The following PAX5 variants were observed in gnomAD, a reference collection of about 807,000 sequenced individuals.
PAX5 encodes the protein paired box 5, also known as paired box protein Pax-5.
A neutral mutation model predicts 43.7 loss-of-function variants in PAX5; 9 were observed. The ratio of observed to expected loss-of-function variants is 0.21; its 90% confidence interval spans 0.12 to 0.36. The LOEUF (loss-of-function observed/expected upper bound fraction) is 0.36, where lower values mean the gene tolerates loss of function less well. PAX5 is among the 10% of genes least tolerant of loss of function. PAX5 has a pLI of 1.00. For synonymous variants in PAX5, 228 were observed against 214.3 expected (o/e 1.06, Z -0.56); for missense variants, 383 against 532.7 (o/e 0.72, Z 2.77).
intron 2 of PAX5, among the ~76,000 whole-genome samples, chr9:37,018,387 A>G (rs753124827): frequency 3.0e-4 from 45 of 152,044 alleles, no homozygotes; most frequent in Non-Finnish European, 5.4e-4. Flanking sequence ...CGAAGCCTTG[A>G]GCTCTGTAGA....
In PAX5 at chr9:37,020,622, G is replaced by C; in HGVS notation, c.212+14C>G. 1 of 1,613,736 alleles carries C rather than the reference G, an allele frequency of 6.2e-7. No homozygotes were observed. Among genetic ancestry groups the C allele is most frequent in the Non-Finnish European group, 8.5e-7 (1 of 1,179,614 alleles). Reference sequence around the variant, plus strand: ...TTTGAAAGATCAAGGGAAGCCTCGAGCTACTGCCTTTACCTGCCAAGAATT... The same window carrying C: ...TTTGAAAGATCAAGGGAAGCCTCGACCTACTGCCTTTACCTGCCAAGAATT... On this transcript the variant is annotated intron_variant, in intron 2 of 9. Coordinates refer to ENST00000358127, the MANE Select transcript of PAX5 (RefSeq NM_016734.3).
chr9:36,843,134 G>A (rs1485029382), intron 9 of PAX5, among the ~76,000 whole-genome samples: 3 of 151,970 alleles, frequency 2.0e-5, no homozygotes, highest in Non-Finnish European at 4.4e-5. Context: ...GTGCGTCTGT[G>A]TGTGTGTGCA....
chr9:37,006,517 T>G lies in PAX5; in HGVS notation c.431A>C (p.Gln144Pro). The change falls in exon 4 of 10, where the codon CAG becomes CCG. Residue 144 changes from glutamine (Q) to proline (P), a missense_variant. Physicochemically the swap from Gln to Pro is moderately conservative, Grantham distance 76. This residue lies in a region of PAX5 where 291 missense variants were observed against 342.5 expected (regional missense o/e 0.85). Coordinates refer to ENST00000358127, the MANE Select transcript of PAX5 (RefSeq NM_016734.3). ...TGGGACTGGTTGGTTGGGTGGCTGC[T>G]GTACTTTTGTCCGGATGATCCTGTG... ...SINRIIRTKV[Q>P]QPPNQPVPAS... 1 of 1,614,200 alleles carries G rather than the reference T, an allele frequency of 6.2e-7. No homozygotes were observed. The highest frequency in any genetic ancestry group is 8.5e-7 in the Non-Finnish European group (1 of 1,180,000).
Position 36,882,091 on chromosome 9 carries a change from TCGC to T in PAX5, c.922_924del (p.Ala308del). 6.3e-7 allele frequency: 1 copy of T among 1,598,416 alleles called. No homozygotes were observed. The highest frequency in any genetic ancestry group is 8.5e-7 in the Non-Finnish European group (1 of 1,170,670). ...GGAGGGTACCCGGGGAGGGTCGTGC[TCGC>T]CAAGTCACGGCCTGAGGAATCAAAG... On this transcript the variant is annotated inframe_deletion, in exon 8 of 10. Coordinates refer to ENST00000358127, the MANE Select transcript of PAX5 (RefSeq NM_016734.3). This position sits in a 1 kb window ranked among gnomAD's most constrained non-coding sequence, Gnocchi z 4.4.
At chr9:36,946,335 C>T (rs1039174201) in intron 6 of PAX5, among the ~76,000 whole-genome samples, 4 of 152,130 alleles carry the variant, frequency 2.6e-5, no homozygotes, top group South Asian at 2.1e-4. Context: ...ATGGACAGCT[C>T]GAATTTGTAA....
At chr9:36,933,160 G>GAAAA (rs1167065336) in intron 6 of PAX5, among the ~76,000 whole-genome samples, 1 of 147,418 alleles carries the variant, frequency 6.8e-6, no homozygotes. Context: ...AAAAAAAAAG[G>GAAAA]AAAAAAAAGA....
At chr9:36,966,857 G>C in intron 5 of PAX5, 133 bp from the exon 6 acceptor site, 1 of 749,894 alleles carries the variant, frequency 1.3e-6, no homozygotes, top group Non-Finnish European at 2.2e-6. Context: ...ACCAGCAGGG[G>C]CTCAGGTAAG....
intron 4 of PAX5, 180 bp from the exon 5 acceptor site, chr9:37,002,956 G>A (rs1045285498): frequency 1.5e-5 from 10 of 664,862 alleles, no homozygotes; most frequent in Middle Eastern, 4.2e-4. Flanking sequence ...GCCTCGGGCG[G>A]GCCGTGTGCC....
At chr9:36,980,773 G>T (rs1835844417) in intron 5 of PAX5, among the ~76,000 whole-genome samples, 1 of 152,110 alleles carries the variant, frequency 6.6e-6, no homozygotes, top group African/African-American at 2.4e-5. Flanking sequence ...AGGTGATTAG[G>T]AGAGAAGGTA....
intron 5 of PAX5, among the ~76,000 whole-genome samples, chr9:36,987,912 A>G (rs975777163): frequency 1.3e-5 from 2 of 152,258 alleles, no homozygotes; most frequent in African/African-American, 4.8e-5. Context: ...TAAAAGATAC[A>G]AACCTGACCA....
Position 36,834,417 on chromosome 9 carries a change from AGTGTGTGTGTGTGTGT to A in PAX5, c.*6127_*6142del, listed in dbSNP as rs56175234. The stretch of plus-strand genomic sequence containing the variant: ...TGTCTGAGGTGTAGGGGAGTGAGTG[AGTGTGTGTGTGTGTGT>A]GTGTGTGTGTGTGTGTGTGTTTACA... On this transcript the variant is annotated 3_prime_UTR_variant, in exon 10 of 10. Coordinates refer to ENST00000358127, the MANE Select transcript of PAX5 (RefSeq NM_016734.3). The A allele has an allele frequency of 3.0e-4, 68 of 224,202 alleles. No individual in the cohort carries two copies. Among genetic ancestry groups the A allele is most frequent in the African/African-American group, 1.5e-3 (66 of 43,514 alleles). The allele number at this position is 224,202 out of a possible 1,614,324, so 13.9% of individuals were successfully genotyped here. A position where few individuals can be genotyped will look rare whatever the true frequency, so the allele number is the denominator to read the frequency against.
intron 1 of PAX5, among the ~76,000 whole-genome samples, chr9:37,030,614 T>C (rs540228842): frequency 6.6e-6 from 1 of 152,202 alleles, no homozygotes; most frequent in African/African-American, 2.4e-5. Context: ...GAAAGGAAAC[T>C]ATCCAGGAAG....
chr9:36,834,421 T>TGTGA lies in PAX5; in HGVS notation c.*6138_*6139insTCAC, dbSNP rs1821498874. ...TGAGGTGTAGGGGAGTGAGTGAGTG[T>TGTGA]GTGTGTGTGTGTGTGTGTGTGTGTG... On this transcript the variant is annotated 3_prime_UTR_variant, in exon 10 of 10. Transcript: ENST00000358127. 5.9e-6 allele frequency: 1 copy of TGTGA among 169,214 alleles called. No homozygotes were observed. Among genetic ancestry groups the TGTGA allele is most frequent in the Non-Finnish European group, 1.0e-5 (1 of 95,526 alleles). The allele number at this position is 169,214 out of a possible 1,614,324, so 10.5% of individuals were successfully genotyped here. A position where few individuals can be genotyped will look rare whatever the true frequency, so the allele number is the denominator to read the frequency against.
chr9:36,918,855 G>C (rs1486729648), intron 7 of PAX5, among the ~76,000 whole-genome samples: 1 of 152,218 alleles, frequency 6.6e-6, no homozygotes, highest in Non-Finnish European at 1.5e-5. Flanking sequence ...TAACACAAAG[G>C]TGCAAGGTGA....
At chr9:36,921,226 G>C (rs1830148075) in intron 7 of PAX5, among the ~76,000 whole-genome samples, 1 of 152,174 alleles carries the variant, frequency 6.6e-6, no homozygotes, top group African/African-American at 2.4e-5. Context: ...TCCAAGATAA[G>C]CCTATAACAT....
chr9:36,910,257 A>G (rs755094848), intron 7 of PAX5, among the ~76,000 whole-genome samples: 1 of 152,238 alleles, frequency 6.6e-6, no homozygotes, highest in Non-Finnish European at 1.5e-5. Context: ...TCTCACAAAC[A>G]TAAATATGCA....
chr9:36,842,527 A>AG (rs1485887148), intron 9 of PAX5, among the ~76,000 whole-genome samples: 3 of 152,194 alleles, frequency 2.0e-5, no homozygotes, highest in African/African-American at 7.2e-5. Context: ...TCCGTGTGAA[A>AG]GCTTGCATTT....
intron 8 of PAX5, among the ~76,000 whole-genome samples, chr9:36,854,636 G>A (rs1823480483): frequency 6.6e-6 from 1 of 152,124 alleles, no homozygotes; most frequent in Non-Finnish European, 1.5e-5. Context: ...CCCCTCGCAG[G>A]CCAAGGCTTC....
At chr9:36,966,309 C>T (rs538203222) in intron 6 of PAX5, among the ~76,000 whole-genome samples, 1 of 152,222 alleles carries the variant, frequency 6.6e-6, no homozygotes, top group Non-Finnish European at 1.5e-5. Context: ...AAGTCACCCA[C>T]CCCCTGGCTG....
Sources: gnomAD v4.1 joint callset for allele counts (sites outside exome capture counted in the v4.1 genomes callset) on GRCh38, gnomAD v4.1.1 for gene constraint, gnomAD v4.1.1 regional missense constraint, Gnocchi (gnomAD v3.1) non-coding constraint, MANE v1.5 for transcripts, NCBI Gene and HGNC (gene_info 2026-07-23, HGNC 2026-07-21) for gene names.